MED27: variants seen among roughly 807,000 people sequenced by gnomAD.
The protein encoded by MED27 is mediator of RNA polymerase II transcription subunit 27.
In MED27, 30 loss-of-function variants were observed where a neutral mutation model predicts 38.2. That is an observed-to-expected ratio of 0.79 (90% CI 0.59 to 1.07). The LOEUF (loss-of-function observed/expected upper bound fraction) is 1.07, where lower values mean the gene tolerates loss of function less well. Ranked by LOEUF, MED27 falls within the 50% of genes least tolerant of loss-of-function variation. MED27 has a pLI of 0.00. For synonymous variants in MED27, 122 were observed against 153.5 expected, an observed-to-expected ratio of 0.79 and a Z score of 1.52; for missense variants, 289 against 397.5, an observed-to-expected ratio of 0.73 and a Z score of 2.32.
chr9:131,997,590 G>T lies in MED27; in HGVS notation c.479+16747C>A, dbSNP rs753899914. Reference sequence around the variant, plus strand: ...CTGCTTCCTCCCACTTTCTTTCACAGGGGGTGATCCCTAATAAATATATTG... The same window carrying T: ...CTGCTTCCTCCCACTTTCTTTCACATGGGGTGATCCCTAATAAATATATTG... On this transcript the variant is annotated intron_variant, in intron 3 of 7. Coordinates refer to ENST00000292035, the MANE Select transcript of MED27 (RefSeq NM_004269.4). The surrounding 1 kb of genome is among the most constrained non-coding windows in gnomAD (Gnocchi z 4.0). Among the ~76,000 whole-genome samples the T allele has an allele frequency of 5.9e-5, 9 of 152,188 alleles. No individual in the cohort carries two copies. The highest frequency in any genetic ancestry group is 1.3e-4 in the Non-Finnish European group (9 of 68,026).
intron 4 of MED27, among the ~76,000 whole-genome samples, chr9:131,936,306 A>ACAACTGCC (rs1415672216): frequency 6.6e-6 from 1 of 152,142 alleles, no homozygotes; most frequent in Admixed American, 6.5e-5. Flanking sequence ...GCCACGGGAA[A>ACAACTGCC]CAACTGCCTC....
At chr9:131,935,088 G>C (rs1337507607) in intron 4 of MED27, among the ~76,000 whole-genome samples, 1 of 152,074 alleles carries the variant, frequency 6.6e-6, no homozygotes, top group Non-Finnish European at 1.5e-5. Flanking sequence ...GGAGTATGGG[G>C]GCAGGATAGT....
At chr9:131,937,829 CTTT>C (rs35317329) in intron 4 of MED27, among the ~76,000 whole-genome samples, 1 of 145,394 alleles carries the variant, frequency 6.9e-6, no homozygotes. Context: ...CTGAGGCAGA[CTTT>C]TTTTTTTTTT....
intron 3 of MED27, among the ~76,000 whole-genome samples, chr9:131,956,467 T>C (rs540035952): frequency 6.6e-5 from 10 of 152,112 alleles, no homozygotes; most frequent in African/African-American, 2.4e-4. Context: ...AATACAAATA[T>C]TAGCCAAGCA....
intron 2 of MED27, among the ~76,000 whole-genome samples, chr9:132,030,592 C>T (rs1832937781): frequency 6.6e-6 from 1 of 152,152 alleles, no homozygotes; most frequent in Non-Finnish European, 1.5e-5. Flanking sequence ...TATTTCAAAG[C>T]AGCAATGTGC....
chr9:131,897,050 T>A (rs1029544573), intron 4 of MED27, among the ~76,000 whole-genome samples: 6 of 152,246 alleles, frequency 3.9e-5, no homozygotes, highest in African/African-American at 1.4e-4. Context: ...TCAAATCAAA[T>A]TTTTCCTTAA....
At chr9:132,068,220 T>C (rs1272782428) in intron 2 of MED27, among the ~76,000 whole-genome samples, 1 of 152,024 alleles carries the variant, frequency 6.6e-6, no homozygotes, top group Non-Finnish European at 1.5e-5. Context: ...AGTATTCACA[T>C]CATCCTCACT....
intron 2 of MED27, among the ~76,000 whole-genome samples, chr9:132,027,138 C>G (rs987730481): frequency 6.6e-6 from 1 of 152,328 alleles, no homozygotes; most frequent in East Asian, 1.9e-4. Flanking sequence ...AATTTGAATT[C>G]TGAATCAACG....
intron 4 of MED27, among the ~76,000 whole-genome samples, chr9:131,918,451 C>A (rs1383626408): frequency 1.3e-5 from 2 of 152,144 alleles, no homozygotes; most frequent in Non-Finnish European, 2.9e-5. Context: ...CAATGTATAC[C>A]TAGTAAGTAG....
chr9:131,914,819 C>T (rs1037608848), intron 4 of MED27, among the ~76,000 whole-genome samples: 2 of 152,166 alleles, frequency 1.3e-5, no homozygotes, highest in African/African-American at 4.8e-5. Flanking sequence ...GCAGCCTGAA[C>T]TGGGTGGCAC....
chr9:131,871,295 T>C (rs1183859703), intron 6 of MED27, among the ~76,000 whole-genome samples: 14 of 152,222 alleles, frequency 9.2e-5, no homozygotes, highest in Admixed American at 9.2e-4. Context: ...ATTTCTCACT[T>C]AAGCTTAACT....
intron 2 of MED27, chr9:132,073,316 C>G: frequency 1.0e-6 from 1 of 987,034 alleles, no homozygotes; most frequent in Non-Finnish European, 1.2e-6. Context: ...GCAAGCAAAC[C>G]ACGAAAGGGG....
At chr9:131,935,716 G>A (rs1430591762) in intron 4 of MED27, among the ~76,000 whole-genome samples, 6 of 152,316 alleles carry the variant, frequency 3.9e-5, no homozygotes, top group African/African-American at 7.2e-5. Context: ...TCGGGAGGCA[G>A]GGACTGGGGA....
chr9:131,868,637 A>G lies in MED27; in HGVS notation c.724-5497T>C, dbSNP rs571740746. Reference sequence around the variant, plus strand: ...GGATGTCCAGAAGTTGGGAAGATGCACATAGTGGGTGAGGGCAGCAGTGTG... The same window carrying G: ...GGATGTCCAGAAGTTGGGAAGATGCGCATAGTGGGTGAGGGCAGCAGTGTG... On this transcript the variant is annotated intron_variant, in intron 6 of 7. Transcript: ENST00000292035. The G allele has an allele frequency of 1.4e-4, 138 of 985,496 alleles. No homozygotes were observed. The South Asian group carries it at 5.8e-3, about 41-fold the overall frequency. The allele number at this position is 985,496 out of a possible 1,614,324, so 61.0% of individuals were successfully genotyped here.
intron 4 of MED27, among the ~76,000 whole-genome samples, chr9:131,910,260 A>C (rs9411324): frequency 0.83 from 125,966 of 152,132 alleles, 52,363 homozygotes; most frequent in Middle Eastern, 0.88. Flanking sequence ...CCACACAATA[A>C]ATTATAGGAA....
intron 6 of MED27, among the ~76,000 whole-genome samples, chr9:131,864,327 C>T (rs372438191): frequency 6.6e-6 from 1 of 152,104 alleles, no homozygotes; most frequent in East Asian, 1.9e-4. Flanking sequence ...ATAGAAAATA[C>T]AAAAAATTAG....
chr9:131,950,642 C>CAGTCA (rs1211142750), intron 3 of MED27, among the ~76,000 whole-genome samples: 1 of 152,170 alleles, frequency 6.6e-6, no homozygotes, highest in Admixed American at 6.5e-5. Flanking sequence ...AAAGCAAATG[C>CAGTCA]ACACTCAGAG....
chr9:131,887,145 TATTTA>T (rs1839154686), intron 5 of MED27, among the ~76,000 whole-genome samples: 1 of 152,216 alleles, frequency 6.6e-6, no homozygotes, highest in African/African-American at 2.4e-5. Flanking sequence ...TTATAGTTTT[TATTTA>T]AAAGTTAAAC....
chr9:131,936,438 C>T (rs1463987145), intron 4 of MED27, among the ~76,000 whole-genome samples: 1 of 152,194 alleles, frequency 6.6e-6, no homozygotes, highest in Non-Finnish European at 1.5e-5. Context: ...TTCACTGTGC[C>T]ATACAGACGG....
Sources: gnomAD v4.1 joint callset for allele counts (sites outside exome capture counted in the v4.1 genomes callset) on GRCh38, gnomAD v4.1.1 for gene constraint, Gnocchi (gnomAD v3.1) non-coding constraint, MANE v1.5 for transcripts, NCBI Gene and HGNC (gene_info 2026-07-23, HGNC 2026-07-21) for gene names.